Variants in SLIT3 observed in about 807,000 individuals in gnomAD.
SLIT3 encodes the protein slit homolog 3 protein.
In SLIT3, 68 loss-of-function variants were observed where a neutral mutation model predicts 184.0. The ratio of observed to expected loss-of-function variants is 0.37; its 90% CI spans 0.30 to 0.45. The LOEUF (loss-of-function observed/expected upper bound fraction) is 0.45. Ranked by LOEUF, SLIT3 falls within the 20% of genes least tolerant of loss-of-function variation. The probability of loss-of-function intolerance (pLI) is 1.00; values close to 1 mark genes in which losing one functional copy is unlikely to be tolerated. For missense variants in SLIT3, 1,707 were observed against 2,026.0 expected, an observed-to-expected ratio of 0.84 and a Z score of 3.02; for synonymous variants, 831 against 828.6, an observed-to-expected ratio of 1.00 and a Z score of -0.05.
chr5:168,772,523 CT>C, intron 14 of SLIT3: 1 of 504,880 alleles, frequency 2.0e-6, no homozygotes, highest in Admixed American at 3.7e-5. Context: ...ACGCTGCTGC[CT>C]GGGTCCTGTC....
chr5:169,253,933 A>G (rs1765861490), intron 1 of SLIT3, among the ~76,000 whole-genome samples: 2 of 152,106 alleles, frequency 1.3e-5, no homozygotes, highest in Admixed American at 1.3e-4. Context: ...TTTCCTTAGT[A>G]TCTAAGTGCA....
intron 32 of SLIT3, among the ~76,000 whole-genome samples, chr5:168,681,500 G>A (rs1442924933): frequency 6.6e-6 from 1 of 152,206 alleles, no homozygotes; most frequent in Non-Finnish European, 1.5e-5. Flanking sequence ...CTAAAGATCT[G>A]TTACAGGCTC....
chr5:168,813,331 C>T (rs1160141873), intron 8 of SLIT3, among the ~76,000 whole-genome samples: 1 of 134,712 alleles, frequency 7.4e-6, no homozygotes, highest in African/African-American at 2.8e-5. Flanking sequence ...AAAAAAAAAA[C>T]CAACAACTTG....
chr5:169,005,982 C>T (rs1052537814), intron 4 of SLIT3, among the ~76,000 whole-genome samples: 4 of 152,248 alleles, frequency 2.6e-5, no homozygotes, highest in African/African-American at 4.8e-5. Context: ...TATTTGCTGT[C>T]GAATCTTCAA....
intron 8 of SLIT3, among the ~76,000 whole-genome samples, chr5:168,816,119 T>C (rs1757327891): frequency 6.6e-6 from 1 of 152,060 alleles, no homozygotes; most frequent in Admixed American, 6.6e-5. Flanking sequence ...AAAGGAAGAG[T>C]TGGTGAGAAT....
chr5:169,216,104 C>T (rs761068142), intron 3 of SLIT3, among the ~76,000 whole-genome samples: 5 of 152,190 alleles, frequency 3.3e-5, no homozygotes, highest in Non-Finnish European at 7.3e-5. Context: ...CACTCAGTGC[C>T]TGGAATCCAG....
intron 4 of SLIT3, among the ~76,000 whole-genome samples, chr5:168,985,719 T>C (rs1755099781): frequency 6.6e-6 from 1 of 152,184 alleles, no homozygotes; most frequent in South Asian, 2.1e-4. Context: ...AGACTCACCT[T>C]GAACCGGGAG....
At chr5:168,731,430 GT>G (rs1398231124) in intron 20 of SLIT3, among the ~76,000 whole-genome samples, 3 of 151,944 alleles carry the variant, frequency 2.0e-5, no homozygotes, top group Non-Finnish European at 4.4e-5. Context: ...TGAGAAGGAA[GT>G]AATTCTCCCT....
chr5:168,831,796 T>C (rs928437060), intron 6 of SLIT3, among the ~76,000 whole-genome samples: 3 of 152,172 alleles, frequency 2.0e-5, no homozygotes, highest in Admixed American at 2.0e-4. Flanking sequence ...TAATACAGAT[T>C]CCTTAACAAA....
intron 4 of SLIT3, among the ~76,000 whole-genome samples, chr5:169,077,072 G>A (rs529488128): frequency 5.3e-5 from 8 of 152,066 alleles, no homozygotes; most frequent in African/African-American, 1.9e-4. Flanking sequence ...CTGTCCCCCT[G>A]AGACAGCAAG....
chr5:168,927,564 G>A (rs1761869846), intron 4 of SLIT3, among the ~76,000 whole-genome samples: 1 of 152,162 alleles, frequency 6.6e-6, no homozygotes, highest in Non-Finnish European at 1.5e-5. Context: ...AAGGTACCTG[G>A]TGTGGCATTC....
intron 4 of SLIT3, among the ~76,000 whole-genome samples, chr5:169,095,307 G>GAA (rs1759736231): frequency 6.6e-6 from 1 of 151,930 alleles, no homozygotes; most frequent in Non-Finnish European, 1.5e-5. Flanking sequence ...ATCTTGCACC[G>GAA]AAAACCACAT....
intron 4 of SLIT3, among the ~76,000 whole-genome samples, chr5:169,151,154 G>A (rs62376881): frequency 0.058 from 8,880 of 152,224 alleles, 541 homozygotes; most frequent in East Asian, 0.33. Flanking sequence ...TGAAACAGAA[G>A]CAGTGACCAC....
chr5:168,856,232 G>T (rs1023881559), intron 5 of SLIT3, among the ~76,000 whole-genome samples: 1 of 152,154 alleles, frequency 6.6e-6, no homozygotes, highest in African/African-American at 2.4e-5. Context: ...TGTTACCGTA[G>T]GAAAGGAGAA....
intron 4 of SLIT3, among the ~76,000 whole-genome samples, chr5:168,907,971 TATATATATAG>T (rs1319881418): frequency 4.2e-5 from 3 of 71,118 alleles, no homozygotes; most frequent in East Asian, 3.6e-4. Context: ...TATATATATA[TATATATATAG>T]AGAGAGAGAG....
At chr5:169,015,341 C>T (rs980574300) in intron 4 of SLIT3, among the ~76,000 whole-genome samples, 6 of 152,196 alleles carry the variant, frequency 3.9e-5, no homozygotes, top group African/African-American at 1.2e-4. Context: ...GGCAGGGAAG[C>T]TCCTGCAGGT....
intron 28 of SLIT3, 51 bp downstream of exon 28, chr5:168,696,241 T>C: frequency 1.2e-6 from 2 of 1,607,900 alleles, no homozygotes; most frequent in Middle Eastern, 1.7e-4. Context: ...GAAAATGGTA[T>C]TCTAGCGACA....
chr5:169,257,615 T>G (rs1766016176), intron 1 of SLIT3, among the ~76,000 whole-genome samples: 1 of 139,320 alleles, frequency 7.2e-6, no homozygotes, highest in African/African-American at 2.8e-5. Flanking sequence ...GGCACGATCT[T>G]GGCTCACTGC....
At chr5:168,710,446 T>G (rs1053263127) in intron 25 of SLIT3, among the ~76,000 whole-genome samples, 1 of 152,170 alleles carries the variant, frequency 6.6e-6, no homozygotes, top group African/African-American at 2.4e-5. Context: ...TTTAATAATG[T>G]TGGATTAAAA....
Sources: allele counts gnomAD v4.1 joint callset (sites outside exome capture counted in the v4.1 genomes callset), GRCh38; gene constraint gnomAD v4.1.1; transcripts MANE v1.5; gene names NCBI Gene and HGNC (gene_info 2026-07-23, HGNC 2026-07-21).